Variants in TMEM131 observed in about 807,000 individuals in gnomAD.
TMEM131 encodes the protein 2610524E03Rik.
Under a neutral mutation model 211.6 loss-of-function variants are expected in TMEM131, and 66 were observed. The ratio of observed to expected loss-of-function variants is 0.31; its 90% CI spans 0.26 to 0.38. TMEM131 has a LOEUF of 0.38. Among genes scored for constraint, TMEM131 ranks in the 10% least tolerant of loss-of-function variants. The probability of loss-of-function intolerance (pLI) is 1.00; values close to 1 mark genes in which losing one functional copy is unlikely to be tolerated. For synonymous variants in TMEM131, 844 were observed against 841.3 expected (o/e 1.00, Z -0.06); for missense variants, 2,036 against 2,299.3 (o/e 0.89, Z 2.34).
intron 1 of TMEM131, among the ~76,000 whole-genome samples, chr2:97,936,497 T>C (rs1677452107): frequency 6.6e-6 from 1 of 152,154 alleles, no homozygotes; most frequent in Non-Finnish European, 1.5e-5. Flanking sequence ...TGTACGCAAA[T>C]ACACAGGCCT....
chr2:97,802,068 G>C lies in TMEM131; in HGVS notation c.2652-107C>G, dbSNP rs1573382702. The C allele has an allele frequency of 4.3e-6, 3 of 702,092 alleles. No homozygotes were observed. The East Asian group carries it at 8.9e-5, about 21-fold the overall frequency. The allele number at this position is 702,092 out of a possible 1,614,324, so 43.5% of individuals were successfully genotyped here. On this transcript the variant is annotated intron_variant, in intron 24 of 40. Transcript: ENST00000186436. The stretch of plus-strand genomic sequence containing the variant: ...TTTATTTTCAAATTATTGTCTGTCA[G>C]GTTTTGAGATCAATATGACCAGATT...
chr2:97,995,492 C>A lies in TMEM131; in HGVS notation c.171G>T (p.Ala57=). Residue 57 remains alanine (A), a synonymous_variant, in exon 1 of 41, where the codon GCG becomes GCT. Coordinates refer to ENST00000186436, the MANE Select transcript of TMEM131 (RefSeq NM_015348.2). The part of the protein sequence containing the change: ...HLVMTLVVAA[A]RAEKEAFVQS... ...GACACCCACCTTCCTTCTCGGCCCG[C>A]GCCGCAGCCACTACGAGGGTCATCA... 7.1e-7 allele frequency: 1 copy of A among 1,408,852 alleles called. No individual in the cohort carries two copies. The highest frequency in any genetic ancestry group is 9.3e-7 in the Non-Finnish European group (1 of 1,076,090). 87.3% of individuals were successfully genotyped at this position (1,408,852 alleles called of 1,614,324 possible). A position where few individuals can be genotyped will look rare whatever the true frequency, so the allele number is the denominator to read the frequency against.
At position 97,910,896 on chromosome 2, in the gene TMEM131, C is replaced by T. The variant is rs1426266208; in HGVS notation, c.250-2198G>A. On this transcript the variant is annotated intron_variant, in intron 2 of 40. Transcript: ENST00000186436. ...TCTTACAAAGTTAAACATACACCTA[C>T]CATATGACCAAATCACTCCACTCCT... Among the ~76,000 whole-genome samples the T allele has an allele frequency of 3.9e-5, 6 of 152,164 alleles. No homozygotes were observed. In the East Asian group the frequency reaches 1.2e-3, roughly 29 times the overall value.
At chr2:97,790,196 C>T (rs1274761470) in intron 31 of TMEM131, among the ~76,000 whole-genome samples, 3 of 152,182 alleles carry the variant, frequency 2.0e-5, no homozygotes, top group Non-Finnish European at 4.4e-5. Flanking sequence ...CAGCTGGAAG[C>T]CTATAGTTTC....
At chr2:97,893,066 G>A (rs1675449218) in intron 3 of TMEM131, among the ~76,000 whole-genome samples, 1 of 151,894 alleles carries the variant, frequency 6.6e-6, no homozygotes, top group African/African-American at 2.4e-5. Context: ...ACCCCCGACA[G>A]GCGTGTGATG....
At chr2:97,992,112 C>T (rs1169238117) in intron 1 of TMEM131, among the ~76,000 whole-genome samples, 2 of 152,216 alleles carry the variant, frequency 1.3e-5, no homozygotes, top group Non-Finnish European at 2.9e-5. Flanking sequence ...GGTACCCACT[C>T]TACCCCATAC....
In TMEM131 at chr2:97,812,723, C is replaced by G. The variant is rs752279081; in HGVS notation, c.1644G>C (p.Glu548Asp). 1 of 1,589,052 alleles carries G rather than the reference C, an allele frequency of 6.3e-7. No homozygotes were observed. The highest frequency in any genetic ancestry group is 8.5e-7 in the Non-Finnish European group (1 of 1,172,432). Residue 548 changes from glutamate (E) to aspartate (D), a missense_variant, in exon 16 of 41, where the codon GAG becomes GAC. Glu to Asp is a conservative substitution (Grantham distance 45). Transcript: ENST00000186436. Reference sequence around the variant, plus strand: ...GTACTCCAAAATCTATGAAACGTTCCTCTATTTTGGGGGGCAATACAAAGT... The same window carrying G: ...GTACTCCAAAATCTATGAAACGTTCGTCTATTTTGGGGGGCAATACAAAGT... ...LDYFVLPPKI[E>D]ERFIDFGVLS... is the part of the protein sequence containing the mutation.
chr2:97,758,834 T>C, intron 40 of TMEM131, 59 bp downstream of exon 40: 1 of 1,552,908 alleles, frequency 6.4e-7, no homozygotes, highest in Non-Finnish European at 8.7e-7. Context: ...GTCACAGCAA[T>C]GGCAGATGGC....
rs533018999 is a variant in TMEM131 at position 97,923,482 on chromosome 2, T to C, written c.249+3944A>G. Among the ~76,000 whole-genome samples the C allele has an allele frequency of 8.6e-5, 13 of 151,640 alleles. 1 individual carries two copies. The highest frequency in any genetic ancestry group is 7.9e-4 in the Admixed American group (12 of 15,260). On this transcript the variant is annotated intron_variant, in intron 2 of 40. Coordinates refer to ENST00000186436, the MANE Select transcript of TMEM131 (RefSeq NM_015348.2). ...TATAAAAAATGAATAATTAGCCAGA[T>C]GTGGTGGCATGTGCCTGTAGTCCCC...
intron 5 of TMEM131, among the ~76,000 whole-genome samples, chr2:97,856,596 A>G (rs1203176512): frequency 6.6e-6 from 1 of 152,218 alleles, no homozygotes; most frequent in Non-Finnish European, 1.5e-5. Context: ...AAGAAATAAG[A>G]CCTGACCAGG....
chr2:97,854,030 AAAC>A (rs1296797423), intron 5 of TMEM131, among the ~76,000 whole-genome samples: 1 of 152,262 alleles, frequency 6.6e-6, no homozygotes, highest in Non-Finnish European at 1.5e-5. Context: ...AAGTGCTATT[AAAC>A]AGCATTGCAC....
intron 4 of TMEM131, among the ~76,000 whole-genome samples, chr2:97,863,927 A>G (rs184181162): frequency 6.6e-6 from 1 of 152,324 alleles, no homozygotes; most frequent in East Asian, 1.9e-4. Context: ...ATGTACTCCC[A>G]TGTTTATTAC....
intron 1 of TMEM131, among the ~76,000 whole-genome samples, chr2:97,965,255 T>C (rs1307228906): frequency 1.3e-5 from 2 of 152,226 alleles, no homozygotes; most frequent in South Asian, 2.1e-4. Flanking sequence ...TCTTATTGAA[T>C]GACTGACGAG....
At position 97,884,311 on chromosome 2, in the gene TMEM131, A is replaced by T. The variant is rs186889920; in HGVS notation, c.359+3741T>A. On this transcript the variant is annotated intron_variant, in intron 4 of 40. Transcript: ENST00000186436. ...TAGTTGATAAAATTAATTTAAAAAA[A>T]TTTTTTTGAGATTCATTTTGTGTCC... 2.4e-3 allele frequency among the ~76,000 whole-genome samples: 359 copies of T among 152,306 alleles called. 1 individual carries two copies. The highest frequency in any genetic ancestry group is 7.5e-3 in the African/African-American group (311 of 41,556).
chr2:97,962,133 G>C (rs766139387), intron 1 of TMEM131, among the ~76,000 whole-genome samples: 1 of 152,076 alleles, frequency 6.6e-6, no homozygotes, highest in Non-Finnish European at 1.5e-5. Flanking sequence ...AATATACACA[G>C]ACCTGTAAAT....
intron 11 of TMEM131, among the ~76,000 whole-genome samples, chr2:97,832,500 C>T (rs1682750136): frequency 6.6e-6 from 1 of 152,092 alleles, no homozygotes; most frequent in South Asian, 2.1e-4. Flanking sequence ...CTTGCTTCCT[C>T]GCTGGGGTTT....
intron 22 of TMEM131, among the ~76,000 whole-genome samples, chr2:97,804,204 A>C (rs1443349557): frequency 6.6e-6 from 1 of 152,202 alleles, no homozygotes; most frequent in African/African-American, 2.4e-5. Context: ...TCTGAAGTAC[A>C]TGAAAAGATC....
chr2:97,822,830 C>T (rs1682195200), intron 11 of TMEM131, among the ~76,000 whole-genome samples: 1 of 152,090 alleles, frequency 6.6e-6, no homozygotes, highest in Non-Finnish European at 1.5e-5. Context: ...GGGAAACACT[C>T]AGGCATCAAC....
At position 97,762,149 on chromosome 2, in the gene TMEM131, A is replaced by G; in HGVS notation, c.4775T>C (p.Phe1592Ser). 6.2e-7 allele frequency: 1 copy of G among 1,613,974 alleles called. No individual in the cohort carries two copies. Among genetic ancestry groups the G allele is most frequent in the South Asian group, 1.1e-5 (1 of 91,074 alleles). Residue 1592 changes from phenylalanine (F) to serine (S), a missense_variant, in exon 36 of 41, where the codon TTC (phenylalanine) becomes TCC (serine). By Grantham distance (155) the Phe-to-Ser change is radical. Around this residue, in one of 3 missense-constraint regions of TMEM131, gnomAD observed 1,623 missense variants for 1,805.9 expected, o/e 0.90. Coordinates refer to ENST00000186436, the MANE Select transcript of TMEM131 (RefSeq NM_015348.2). ...LSLQTLNADI[F>S]LKQRQTSPTP... ...CGGTGAGGTCTGGCGTTGTTTTAAGAAAATGTCTGCGTTGAGGGTTTGCAG... is the reference window on the plus strand; with the variant it reads ...CGGTGAGGTCTGGCGTTGTTTTAAGGAAATGTCTGCGTTGAGGGTTTGCAG...
Sources: gnomAD v4.1 joint callset for allele counts (sites outside exome capture counted in the v4.1 genomes callset) on GRCh38, gnomAD v4.1.1 for gene constraint, gnomAD v4.1.1 regional missense constraint, MANE v1.5 for transcripts, NCBI Gene and HGNC (gene_info 2026-07-23, HGNC 2026-07-21) for gene names.